Variants in CACNA1S observed in about 807,000 individuals in gnomAD.
CACNA1S encodes the protein calcium voltage-gated channel subunit alpha1 S, also known as voltage-dependent L-type calcium channel subunit alpha-1S.
A neutral mutation model predicts 207.4 loss-of-function variants in CACNA1S; 126 were observed. The ratio of observed to expected loss-of-function variants is 0.61; its 90% CI spans 0.53 to 0.70. CACNA1S has a LOEUF of 0.70. Among genes scored for constraint, CACNA1S ranks in the 30% least tolerant of loss-of-function variants. CACNA1S has a pLI of 0.00. For missense variants in CACNA1S, 2,349 were observed against 2,422.8 expected, an observed-to-expected ratio of 0.97 and a Z score of 0.64; for synonymous variants, 960 against 932.7, an observed-to-expected ratio of 1.03 and a Z score of -0.53.
intron 26 of CACNA1S, among the ~76,000 whole-genome samples, chr1:201,059,788 C>T (rs889759570): frequency 2.6e-5 from 4 of 152,194 alleles, no homozygotes; most frequent in Admixed American, 2.6e-4. Flanking sequence ...TGCACACCAC[C>T]CCCAGTGATT....
intron 5 of CACNA1S, among the ~76,000 whole-genome samples, chr1:201,091,053 A>G (rs1662210074): frequency 1.3e-5 from 2 of 152,200 alleles, no homozygotes; most frequent in Non-Finnish European, 2.9e-5. Context: ...ACAGATCAAA[A>G]CCTATATAAA....
chr1:201,064,195 G>A (rs1280697137), intron 22 of CACNA1S, among the ~76,000 whole-genome samples: 1 of 152,206 alleles, frequency 6.6e-6, no homozygotes, highest in Non-Finnish European at 1.5e-5. Flanking sequence ...GCCAGGCAAA[G>A]GGATGAGGCA....
At chr1:201,077,242 C>G in intron 11 of CACNA1S, 115 bp from the exon 12 acceptor site, 1 of 860,828 alleles carries the variant, frequency 1.2e-6, no homozygotes, top group South Asian at 1.4e-5. Context: ...AGGGAGGGGG[C>G]TGCCTCACTG....
In CACNA1S at chr1:201,053,320, G is replaced by A. The variant is rs1400359110; in HGVS notation, c.3796-46C>T. Reference sequence around the variant, plus strand: ...CCAGTCAGTGTCTTAGGGCTCCACTGTGTGTCTGCAGCCCTGCCCTCTGTT... The same window carrying A: ...CCAGTCAGTGTCTTAGGGCTCCACTATGTGTCTGCAGCCCTGCCCTCTGTT... On this transcript the variant is annotated intron_variant, in intron 30 of 43. Coordinates refer to ENST00000362061, the MANE Select transcript of CACNA1S (RefSeq NM_000069.3). The surrounding 1 kb of genome is among the most constrained non-coding windows in gnomAD (Gnocchi z 5.1). 1 of 1,610,382 alleles carries A rather than the reference G, an allele frequency of 6.2e-7. No individual in the cohort carries two copies. The highest frequency in any genetic ancestry group is 1.3e-5 in the African/African-American group (1 of 74,802).
rs1200305716 is a variant in CACNA1S at position 201,089,346 on chromosome 1, C to T, written c.812G>A (p.Gly271Asp). The change falls in exon 6 of 44, where the codon GGC (glycine) becomes GAC (aspartate). Residue 271 changes from glycine (G) to aspartate (D), a missense_variant. Gly to Asp is a moderately conservative substitution (Grantham distance 94, BLOSUM62 -1). Coordinates refer to ENST00000362061, the MANE Select transcript of CACNA1S (RefSeq NM_000069.3). ...CRGGWPGPNH[G>D]ITHFDNFGFS... is the part of the protein sequence containing the mutation. ...GCCGAAGTTGTCGAAGTGGGTGATG[C>T]CATGGTTGGGCCCTGGCCAGCCGCC... 5.6e-6 allele frequency: 9 copies of T among 1,614,260 alleles called. No individual in the cohort carries two copies. The highest frequency in any genetic ancestry group is 7.6e-6 in the Non-Finnish European group (9 of 1,180,050).
intron 2 of CACNA1S, among the ~76,000 whole-genome samples, chr1:201,098,407 C>T (rs902289585): frequency 1.3e-5 from 2 of 152,236 alleles, no homozygotes; most frequent in Non-Finnish European, 2.9e-5. Flanking sequence ...GTCAAAGTCA[C>T]ATGGCAAATC....
chr1:201,093,449 C>T (rs1662312444), intron 3 of CACNA1S, among the ~76,000 whole-genome samples: 1 of 152,222 alleles, frequency 6.6e-6, no homozygotes, highest in Non-Finnish European at 1.5e-5. Context: ...GTTATTATGG[C>T]AGCCCTAGCA....
At position 201,066,757 on chromosome 1, in the gene CACNA1S, C is replaced by T; in HGVS notation, c.2657+130G>A. ...TGACAACCCACAGGACCCCCTGCCTCCATCGGAGGCCCCGAGAGACCCTCC... is the reference window on the plus strand; with the variant it reads ...TGACAACCCACAGGACCCCCTGCCTTCATCGGAGGCCCCGAGAGACCCTCC... On this transcript the variant is annotated intron_variant, in intron 20 of 43. Transcript: ENST00000362061. This position sits in a 1 kb window ranked among gnomAD's most constrained non-coding sequence, Gnocchi z 4.3. 8 of 728,194 alleles carry T rather than the reference C, an allele frequency of 1.1e-5. No homozygotes were observed. Among genetic ancestry groups the T allele is most frequent in the Non-Finnish European group, 1.2e-5 (5 of 403,920 alleles). The allele number at this position is 728,194 out of a possible 1,614,324, so 45.1% of individuals were successfully genotyped here.
At chr1:201,062,716 G>C (rs1036978810) in intron 22 of CACNA1S, among the ~76,000 whole-genome samples, 1 of 152,184 alleles carries the variant, frequency 6.6e-6, no homozygotes, top group African/African-American at 2.4e-5. Flanking sequence ...CTTCACCATC[G>C]TTCATTCCCA....
intron 41 of CACNA1S, 117 bp downstream of exon 41, chr1:201,041,387 A>G: frequency 2.6e-6 from 2 of 777,284 alleles, no homozygotes; most frequent in Non-Finnish European, 2.3e-6. Context: ...CTGCCATTGT[A>G]ACAGGCTCCC....
Position 201,051,591 on chromosome 1 carries a change from G to A in CACNA1S, c.3954-448C>T, listed in dbSNP as rs532547245. Among the ~76,000 whole-genome samples, 74 of 152,254 alleles carry A rather than the reference G, an allele frequency of 4.9e-4. 1 individual carries two copies. The South Asian group carries it at 7.3e-3, about 15-fold the overall frequency. On this transcript the variant is annotated intron_variant, in intron 32 of 43. Transcript: ENST00000362061. ...AGATTTCACACCTTGTGGATGTGTC[G>A]CTGTTGAATGAAGAATCTCAATGCA...
chr1:201,087,959 G>A lies in CACNA1S; in HGVS notation c.901-30C>T, dbSNP rs369780984. On this transcript the variant is annotated intron_variant, in intron 6 of 43. Transcript: ENST00000362061. ...TCAGGACAGAAGTGTGATCCTCTGA[G>A]TTGAGGGCTTGGTTCCTCTTCCCCA... 2.7e-5 allele frequency: 39 copies of A among 1,463,702 alleles called. No individual in the cohort carries two copies. In the African/African-American group the frequency reaches 3.5e-4, roughly 13 times the overall value. The allele number at this position is 1,463,702 out of a possible 1,614,324, so 90.7% of individuals were successfully genotyped here.
chr1:201,101,346 A>T (rs747480611), intron 2 of CACNA1S, among the ~76,000 whole-genome samples: 2 of 152,202 alleles, frequency 1.3e-5, no homozygotes, highest in African/African-American at 2.4e-5. Flanking sequence ...GACAAAAAAC[A>T]ACCCTCACCC....
At chr1:201,091,160 G>A (rs1662213624) in intron 5 of CACNA1S, among the ~76,000 whole-genome samples, 1 of 152,054 alleles carries the variant, frequency 6.6e-6, no homozygotes, top group African/African-American at 2.4e-5. Context: ...AATATATCTG[G>A]GCTTCAATGT....
chr1:201,085,213 T>A (rs906798182), intron 8 of CACNA1S, among the ~76,000 whole-genome samples, 182 bp from the exon 9 acceptor site: 1 of 152,162 alleles, frequency 6.6e-6, no homozygotes, highest in African/African-American at 2.4e-5. Context: ...AAGAGCCCAC[T>A]TTATCTGCAG....
intron 34 of CACNA1S, 86 bp downstream of exon 34, chr1:201,050,303 G>T: frequency 7.0e-7 from 1 of 1,436,088 alleles, no homozygotes; most frequent in Non-Finnish European, 9.8e-7. Context: ...CACTCATACT[G>T]AATAAACTGG....
At chr1:201,058,265 G>A (rs761120916) in intron 28 of CACNA1S, 143 bp downstream of exon 28, 1 of 750,338 alleles carries the variant, frequency 1.3e-6, no homozygotes, top group Non-Finnish European at 2.4e-6. Context: ...TTCCTTGAGG[G>A]CAGAAGCCGT....
chr1:201,085,840 C>T (rs1662022852), intron 7 of CACNA1S, among the ~76,000 whole-genome samples: 1 of 152,168 alleles, frequency 6.6e-6, no homozygotes, highest in Non-Finnish European at 1.5e-5. Context: ...TCTCATCCAT[C>T]TCATTGTCTC....
intron 1 of CACNA1S, 132 bp from the exon 2 acceptor site, chr1:201,110,401 C>A: frequency 1.3e-6 from 1 of 772,632 alleles, no homozygotes; most frequent in Non-Finnish European, 2.3e-6. Context: ...GGACGCTCGC[C>A]CACGCTGCTC....
Sources: allele counts gnomAD v4.1 joint callset (sites outside exome capture counted in the v4.1 genomes callset), GRCh38; gene constraint gnomAD v4.1.1; non-coding constraint Gnocchi (gnomAD v3.1); transcripts MANE v1.5; gene names NCBI Gene and HGNC (gene_info 2026-07-23, HGNC 2026-07-21).